Variants in OLFM2 observed in about 807,000 individuals in gnomAD.
The protein encoded by OLFM2 is olfactomedin 2, also known as noelin-2.
A neutral mutation model predicts 43.9 loss-of-function variants in OLFM2; 20 were observed. The observed-to-expected ratio is 0.46, with a 90% CI of 0.32 to 0.66. The LOEUF (loss-of-function observed/expected upper bound fraction) is 0.66, where lower values mean the gene tolerates loss of function less well. Ranked by LOEUF, OLFM2 falls within the 30% of genes least tolerant of loss-of-function variation. The pLI, the probability that OLFM2 is intolerant of heterozygous loss-of-function variation, is 0.04. For synonymous variants in OLFM2, 268 were observed against 278.6 expected (o/e 0.96, Z 0.38); for missense variants, 416 against 643.6 (o/e 0.65, Z 3.83).
At position 9,910,979 on chromosome 19, in the gene OLFM2, G is replaced by A. The variant is rs138982615; in HGVS notation, c.63+25325C>T. Among the ~76,000 whole-genome samples, 16 of 152,186 alleles carry A rather than the reference G, an allele frequency of 1.1e-4. No individual in the cohort carries two copies. In the East Asian group the frequency reaches 2.5e-3, roughly 24 times the overall value. On this transcript the variant is annotated intron_variant, in intron 1 of 5. Transcript: ENST00000264833. ...GGATGAATGAATGAATGGAGATATG[G>A]ATAGCAAGACAGATGGAAGGATGGG...
intron 1 of OLFM2, among the ~76,000 whole-genome samples, chr19:9,877,315 C>G (rs1378532431): frequency 6.6e-6 from 1 of 151,524 alleles, no homozygotes; most frequent in Non-Finnish European, 1.5e-5. Context: ...GGGCAGATCA[C>G]CTGAGGTCAG....
In OLFM2 at chr19:9,857,221, GCAGT is replaced by G. The variant is rs759465171; in HGVS notation, c.580+38_580+41del. Reference sequence around the variant, plus strand: ...ACAGGTGATACTGGAGTTGGGTGTGGCAGTCAGAGATCAGGGGTCAGGGTCAAGG... The same window carrying G: ...ACAGGTGATACTGGAGTTGGGTGTGGCAGAGATCAGGGGTCAGGGTCAAGG... On this transcript the variant is annotated intron_variant, in intron 4 of 5. Coordinates refer to ENST00000264833, the MANE Select transcript of OLFM2 (RefSeq NM_058164.4). This position sits in a 1 kb window ranked among gnomAD's most constrained non-coding sequence, Gnocchi z 5.7. 2 of 1,553,786 alleles carry G rather than the reference GCAGT, an allele frequency of 1.3e-6. No individual in the cohort carries two copies. Among genetic ancestry groups the G allele is most frequent in the Non-Finnish European group, 1.8e-6 (2 of 1,128,202 alleles).
chr19:9,864,787 C>CTT (rs34810133), intron 1 of OLFM2, among the ~76,000 whole-genome samples: 17,363 of 97,474 alleles, frequency 0.18, 1,945 homozygotes, highest in Non-Finnish European at 0.22. Context: ...ACACACCCAG[C>CTT]TTTTTTTTTT....
chr19:9,855,190 A>G (rs2046306033), intron 5 of OLFM2, among the ~76,000 whole-genome samples: 1 of 150,962 alleles, frequency 6.6e-6, no homozygotes, highest in Non-Finnish European at 1.5e-5. Flanking sequence ...GCATGGCCCC[A>G]GTAGGACCCA....
intron 1 of OLFM2, among the ~76,000 whole-genome samples, chr19:9,926,692 A>G (rs2086455574): frequency 6.6e-6 from 1 of 152,100 alleles, no homozygotes; most frequent in Admixed American, 6.6e-5. Flanking sequence ...AGCTCACTAA[A>G]TTCTAGGCCA....
In OLFM2 at chr19:9,853,946, A is replaced by T; in HGVS notation, c.*240T>A. On this transcript the variant is annotated 3_prime_UTR_variant, in exon 6 of 6. Transcript: ENST00000264833. ...ACCAGAGCCATAAAAAGAAAAAGAC[A>T]TCCATAAAAAGGCAGAAAGAAAGAA... The T allele has an allele frequency of 8.6e-6, 5 of 580,130 alleles. No individual in the cohort carries two copies. In the South Asian group the frequency reaches 1.1e-4, roughly 13 times the overall value. 35.9% of individuals were successfully genotyped at this position (580,130 alleles called of 1,614,324 possible).
chr19:9,916,466 A>T (rs2046877134), intron 1 of OLFM2, among the ~76,000 whole-genome samples: 1 of 152,220 alleles, frequency 6.6e-6, no homozygotes, highest in Non-Finnish European at 1.5e-5. Flanking sequence ...ATCCATAAAC[A>T]GTACAGTGAC....
chr19:9,859,653 T>C (rs2046351877), intron 2 of OLFM2, among the ~76,000 whole-genome samples: 1 of 152,190 alleles, frequency 6.6e-6, no homozygotes, highest in Non-Finnish European at 1.5e-5. Context: ...TAGGAGCCTC[T>C]TGAGGTGGAG....
chr19:9,892,095 A>C (rs1181653040), intron 1 of OLFM2, among the ~76,000 whole-genome samples: 1 of 151,952 alleles, frequency 6.6e-6, no homozygotes, highest in African/African-American at 2.4e-5. Context: ...CTGTGTTTGT[A>C]AGACTGTGAT....
chr19:9,933,014 C>T (rs191421926), intron 1 of OLFM2, among the ~76,000 whole-genome samples: 27 of 152,218 alleles, frequency 1.8e-4, no homozygotes, highest in East Asian at 9.6e-4. Context: ...CATCTCCCCG[C>T]GACCTCTCCA....
chr19:9,936,083 C>G (rs1027481432), intron 1 of OLFM2, among the ~76,000 whole-genome samples: 2 of 151,824 alleles, frequency 1.3e-5, no homozygotes, highest in Non-Finnish European at 2.9e-5. Flanking sequence ...ACGCCACCCC[C>G]CAAACCAGCC....
chr19:9,885,116 C>CT (rs1175771316), intron 1 of OLFM2, among the ~76,000 whole-genome samples: 1 of 152,204 alleles, frequency 6.6e-6, no homozygotes, highest in Non-Finnish European at 1.5e-5. Context: ...GCTTCTCTTT[C>CT]TAGCTGTGTG....
intron 1 of OLFM2, among the ~76,000 whole-genome samples, chr19:9,925,283 T>C (rs2086446046): frequency 6.6e-6 from 1 of 152,036 alleles, no homozygotes; most frequent in Non-Finnish European, 1.5e-5. Flanking sequence ...AAAAGTTATA[T>C]ATTATTCAGT....
chr19:9,860,889 C>A, intron 1 of OLFM2, 95 bp from the exon 2 acceptor site: 3 of 1,325,886 alleles, frequency 2.3e-6, no homozygotes, highest in Non-Finnish European at 3.1e-6. Context: ...ACCACAGATG[C>A]CCTTTGCTGG....
At chr19:9,918,782 A>G (rs1599500287) in intron 1 of OLFM2, among the ~76,000 whole-genome samples, 1 of 152,212 alleles carries the variant, frequency 6.6e-6, no homozygotes, top group East Asian at 1.9e-4. Context: ...CACATAGTTT[A>G]TGATTCTATT....
At chr19:9,867,979 G>A (rs11085425) in intron 1 of OLFM2, among the ~76,000 whole-genome samples, 70,676 of 151,610 alleles carry the variant, frequency 0.47, 17,344 homozygotes, top group Admixed American at 0.57. Flanking sequence ...ATAGCTCACT[G>A]CAGCCTTGAT....
In OLFM2 at chr19:9,857,393, C is replaced by T; in HGVS notation, c.450G>A (p.Arg150=). ...TGCCGGAGAGATTCCTCACCTCCTC[C>T]CGCAAGCGTACAATGGTCCGCGTGT... ...KADTRTIVRL[R]EEVRNLSGSL... is the part of the protein sequence containing the mutation. Residue 150 remains arginine, a synonymous_variant, in exon 4 of 6, where the codon CGG becomes CGA. Transcript: ENST00000264833. This position sits in a 1 kb window ranked among gnomAD's most constrained non-coding sequence, Gnocchi z 5.7. 6.2e-7 allele frequency: 1 copy of T among 1,614,222 alleles called. No individual in the cohort carries two copies. Among genetic ancestry groups the T allele is most frequent in the Non-Finnish European group, 8.5e-7 (1 of 1,180,044 alleles).
chr19:9,877,830 AAT>A (rs1491405812), intron 1 of OLFM2, among the ~76,000 whole-genome samples: 1 of 141,858 alleles, frequency 7.0e-6, no homozygotes, highest in African/African-American at 2.6e-5. Context: ...TGGAAAAATA[AAT>A]TTTTTTTTTT....
rs1599500558 is a variant in OLFM2 at position 9,919,206 on chromosome 19, A to G, written c.63+17098T>C. On this transcript the variant is annotated intron_variant, in intron 1 of 5. Coordinates refer to ENST00000264833, the MANE Select transcript of OLFM2 (RefSeq NM_058164.4). ...TTTTGAGATGGAGTCTCGCTCTGTCACCCAGGCTGGAGTGCAATGGGATGA... is the reference window on the plus strand; with the variant it reads ...TTTTGAGATGGAGTCTCGCTCTGTCGCCCAGGCTGGAGTGCAATGGGATGA... Among the ~76,000 whole-genome samples the G allele has an allele frequency of 6.1e-5, 9 of 148,614 alleles. No individual in the cohort carries two copies. In the South Asian group the frequency reaches 1.5e-3, roughly 24 times the overall value.
Sources: gnomAD v4.1 joint callset for allele counts (sites outside exome capture counted in the v4.1 genomes callset) on GRCh38, gnomAD v4.1.1 for gene constraint, Gnocchi (gnomAD v3.1) non-coding constraint, MANE v1.5 for transcripts, NCBI Gene and HGNC (gene_info 2026-07-23, HGNC 2026-07-21) for gene names.